CDK14: variants seen among roughly 807,000 people sequenced by gnomAD.
The protein encoded by CDK14 is cyclin-dependent kinase 14.
CDK14 carries 34 observed loss-of-function variants against 60.7 expected under a neutral mutation model. That is an observed-to-expected ratio of 0.56 (90% CI 0.43 to 0.75). The LOEUF (loss-of-function observed/expected upper bound fraction) is 0.75. CDK14 is among the 30% of genes least tolerant of loss of function. The pLI is 0.00. For synonymous variants in CDK14, 197 were observed against 203.7 expected (o/e 0.97, Z 0.28); for missense variants, 482 against 564.1 (o/e 0.85, Z 1.47).
At chr7:91,049,482 A>G (rs531352462) in intron 11 of CDK14, among the ~76,000 whole-genome samples, 4 of 152,150 alleles carry the variant, frequency 2.6e-5, no homozygotes, top group Non-Finnish European at 5.9e-5. Flanking sequence ...TCAGCCTCCT[A>G]AAGTGCTGGG....
intron 10 of CDK14, among the ~76,000 whole-genome samples, chr7:91,004,617 T>C (rs1349754075): frequency 6.6e-6 from 1 of 152,216 alleles, no homozygotes; most frequent in Non-Finnish European, 1.5e-5. Flanking sequence ...TAGTAAGTTG[T>C]TGGTAAGTTG....
chr7:90,650,527 T>C (rs560031914), intron 2 of CDK14, among the ~76,000 whole-genome samples: 1 of 152,236 alleles, frequency 6.6e-6, no homozygotes, highest in Non-Finnish European at 1.5e-5. Context: ...CATGAAGTCT[T>C]TGCCTAGGCC....
At chr7:90,839,157 T>C (rs1017251980) in intron 5 of CDK14, among the ~76,000 whole-genome samples, 1 of 152,180 alleles carries the variant, frequency 6.6e-6, no homozygotes, top group Admixed American at 6.5e-5. Flanking sequence ...GTTCCCCTGA[T>C]AGTTGAGCAA....
intron 4 of CDK14, among the ~76,000 whole-genome samples, chr7:90,764,108 G>A (rs940230942): frequency 3.9e-5 from 6 of 152,168 alleles, no homozygotes; most frequent in Admixed American, 3.9e-4. Context: ...ATCTGTGGGA[G>A]CATTTTTGAA....
intron 9 of CDK14, among the ~76,000 whole-genome samples, chr7:90,974,946 C>T (rs891009342): frequency 1.3e-5 from 2 of 152,150 alleles, no homozygotes; most frequent in African/African-American, 2.4e-5. Context: ...GTTGCCATAT[C>T]GCCATAACCC....
At chr7:90,893,431 G>A (rs974588470) in intron 6 of CDK14, among the ~76,000 whole-genome samples, 1 of 152,168 alleles carries the variant, frequency 6.6e-6, no homozygotes, top group Non-Finnish European at 1.5e-5. Context: ...CAGAGATCAA[G>A]CCAGATGCAT....
At chr7:91,187,950 C>G (rs923011708) in intron 14 of CDK14, among the ~76,000 whole-genome samples, 2 of 152,204 alleles carry the variant, frequency 1.3e-5, no homozygotes, top group Admixed American at 1.3e-4. Flanking sequence ...CCATTTTGAA[C>G]ATGCCTAGTC....
rs77924517 is a variant in CDK14, at chr7:90,813,053, T to C, written c.544+22401T>C. Reference sequence around the variant, plus strand: ...AACTGTTGAGTTGATAAATAAAATATGGTATATTTGTACAGCAGTAAAAAG... The same window carrying C: ...AACTGTTGAGTTGATAAATAAAATACGGTATATTTGTACAGCAGTAAAAAG... On this transcript the variant is annotated intron_variant, in intron 5 of 14. Transcript: ENST00000380050. Among the ~76,000 whole-genome samples the C allele has an allele frequency of 1.0e-2, 1,516 of 152,272 alleles. 23 individuals are homozygous for C. The highest frequency in any genetic ancestry group is 0.033 in the African/African-American group (1,389 of 41,546).
chr7:90,742,653 C>T (rs906491043), intron 3 of CDK14, among the ~76,000 whole-genome samples: 2 of 151,770 alleles, frequency 1.3e-5, no homozygotes, highest in Admixed American at 1.3e-4. Context: ...CGTCATACTG[C>T]TTTATTGTTT....
intron 3 of CDK14, among the ~76,000 whole-genome samples, chr7:90,739,885 T>A (rs1335403664): frequency 6.6e-6 from 1 of 152,190 alleles, no homozygotes; most frequent in African/African-American, 2.4e-5. Flanking sequence ...AGGAGGGTGA[T>A]GGTAAAGTGT....
intron 4 of CDK14, among the ~76,000 whole-genome samples, chr7:90,779,468 T>C (rs1293379999): frequency 1.3e-5 from 2 of 152,174 alleles, no homozygotes; most frequent in Admixed American, 1.3e-4. Flanking sequence ...GGCCCAGGCA[T>C]GTCTCAAACC....
At position 91,076,113 on chromosome 7, in the gene CDK14, A is replaced by T. The variant is rs186087565; in HGVS notation, c.1106-3319A>T. Among the ~76,000 whole-genome samples the T allele has an allele frequency of 2.7e-3, 414 of 151,988 alleles. 4 individuals are homozygous for T. The highest frequency in any genetic ancestry group is 9.3e-3 in the African/African-American group (385 of 41,478). The stretch of plus-strand genomic sequence containing the variant: ...TGACATTCCTCACAGAATTAGAAAA[A>T]AAAACTACTTTAAATTTTATATAAA... On this transcript the variant is annotated intron_variant, in intron 11 of 14. Transcript: ENST00000380050.
At chr7:90,854,928 C>G (rs1166605129) in intron 5 of CDK14, among the ~76,000 whole-genome samples, 1 of 152,100 alleles carries the variant, frequency 6.6e-6, no homozygotes, top group Non-Finnish European at 1.5e-5. Flanking sequence ...ATTTCCTTTC[C>G]CCAGAAGTTA....
intron 5 of CDK14, among the ~76,000 whole-genome samples, chr7:90,825,886 G>A (rs552944120): frequency 1.3e-5 from 2 of 152,298 alleles, no homozygotes; most frequent in African/African-American, 4.8e-5. Flanking sequence ...TGACCACACA[G>A]TGTAGTGTGG....
intron 10 of CDK14, among the ~76,000 whole-genome samples, chr7:91,003,586 T>C (rs571721043): frequency 3.5e-4 from 54 of 152,298 alleles, no homozygotes; most frequent in Non-Finnish European, 6.5e-4. Context: ...CTCTCTCTCC[T>C]TGGGTATTGC....
At chr7:90,885,941 C>T (rs1219598187) in intron 6 of CDK14, among the ~76,000 whole-genome samples, 10 of 151,836 alleles carry the variant, frequency 6.6e-5, no homozygotes, top group South Asian at 2.1e-4. Flanking sequence ...ACTTAGAGGA[C>T]GGGTCAATAG....
Position 91,181,385 on chromosome 7 carries a change from T to C in CDK14, c.*29-25780T>C, listed in dbSNP as rs1269323641. 2.0e-5 allele frequency among the ~76,000 whole-genome samples: 3 copies of C among 152,174 alleles called. No homozygotes were observed. The East Asian group carries it at 5.8e-4, about 29-fold the overall frequency. The stretch of plus-strand genomic sequence containing the variant: ...TATTTTCTACAAATTGGTATGTAGA[T>C]CAAGAATTTTGATCAGATTTAGGTT... On this transcript the variant is annotated intron_variant, in intron 14 of 14. Transcript: ENST00000380050.
chr7:91,074,488 A>T (rs1005161579), intron 11 of CDK14, among the ~76,000 whole-genome samples: 1 of 152,232 alleles, frequency 6.6e-6, no homozygotes, highest in African/African-American at 2.4e-5. Flanking sequence ...AATCTCTGGG[A>T]TGCAGCTAAA....
At chr7:90,782,653 C>G (rs1277039379) in intron 4 of CDK14, among the ~76,000 whole-genome samples, 1 of 152,104 alleles carries the variant, frequency 6.6e-6, no homozygotes, top group African/African-American at 2.4e-5. Flanking sequence ...TCACTCCACA[C>G]ACAGGCTCAT....
Sources: gnomAD v4.1 joint callset for allele counts (sites outside exome capture counted in the v4.1 genomes callset) on GRCh38, gnomAD v4.1.1 for gene constraint, MANE v1.5 for transcripts, NCBI Gene and HGNC (gene_info 2026-07-23, HGNC 2026-07-21) for gene names.